TYW1: variants seen among roughly 807,000 people sequenced by gnomAD.
TYW1 encodes the protein S-adenosyl-L-methionine-dependent tRNA 4-demethylwyosine synthase TYW1.
A neutral mutation model predicts 96.2 loss-of-function variants in TYW1; 46 were observed. The ratio of observed to expected loss-of-function variants is 0.48; its 90% confidence interval spans 0.38 to 0.61. TYW1 has a LOEUF of 0.61. TYW1 is among the 20% of genes least tolerant of loss of function. The probability of loss-of-function intolerance (pLI) is 0.00; values close to 1 mark genes in which losing one functional copy is unlikely to be tolerated. For synonymous variants in TYW1, 274 were observed against 323.0 expected, an observed-to-expected ratio of 0.85 and a Z score of 1.63; for missense variants, 684 against 909.6, an observed-to-expected ratio of 0.75 and a Z score of 3.19.
intron 13 of TYW1, among the ~76,000 whole-genome samples, chr7:67,134,193 T>G (rs1289907829): frequency 6.6e-6 from 1 of 152,050 alleles, no homozygotes; most frequent in Admixed American, 6.6e-5. Flanking sequence ...AGTATTCAGG[T>G]TCCCAGAAAT....
At chr7:67,088,961 C>T (rs1181225485) in intron 11 of TYW1, among the ~76,000 whole-genome samples, 1 of 152,162 alleles carries the variant, frequency 6.6e-6, no homozygotes, top group Non-Finnish European at 1.5e-5. Flanking sequence ...GTATAAATGG[C>T]AATTATAGTC....
At chr7:67,045,213 A>T (rs942091485) in intron 7 of TYW1, among the ~76,000 whole-genome samples, 19 of 151,114 alleles carry the variant, frequency 1.3e-4, no homozygotes, top group South Asian at 8.4e-4. Context: ...TTTTTTTTAA[A>T]TTTTTTTTAT....
At chr7:67,159,782 A>C (rs976184705) in intron 13 of TYW1, among the ~76,000 whole-genome samples, 3 of 69,738 alleles carry the variant, frequency 4.3e-5, no homozygotes, top group East Asian at 7.4e-4. Flanking sequence ...CAATATCACA[A>C]AATTTTATTT....
Position 66,996,880 on chromosome 7 carries a change from G to T in TYW1, c.-99G>T. The stretch of plus-strand genomic sequence containing the variant: ...CAGGTCTGCAGGCACTCGGTACGCC[G>T]CTAACGCGGCGAGGTAGCTCGGTGC... On this transcript the variant is annotated 5_prime_UTR_variant, in exon 1 of 16. Transcript: ENST00000359626. 1.3e-6 allele frequency: 2 copies of T among 1,593,792 alleles called. No homozygotes were observed. Among genetic ancestry groups the T allele is most frequent in the Non-Finnish European group, 1.7e-6 (2 of 1,169,958 alleles).
Position 67,098,583 on chromosome 7 carries a change from C to T in TYW1, c.1427C>T (p.Thr476Met), listed in dbSNP as rs141862060. The T allele has an allele frequency of 2.4e-4, 380 of 1,605,432 alleles. 1 individual carries two copies. Among genetic ancestry groups the T allele is most frequent in the Admixed American group, 4.8e-4 (28 of 58,564 alleles). Residue 476 changes from threonine to methionine, a missense_variant, in exon 12 of 16, where the codon ACG becomes ATG. Transcript: ENST00000359626. Reference sequence around the variant, plus strand: ...GCAGAACGCTTTGAAGAAGGAATGACGGTAAAGCACTGTGCATTGTCCCTC... The same window carrying T: ...GCAGAACGCTTTGAAGAAGGAATGATGGTAAAGCACTGTGCATTGTCCCTC... ...VKAERFEEGM[T>M]VKHCALSLVG... is the part of the protein sequence containing the mutation.
intron 14 of TYW1, among the ~76,000 whole-genome samples, chr7:67,188,385 A>T (rs1329962261): frequency 1.3e-5 from 2 of 152,182 alleles, no homozygotes; most frequent in Non-Finnish European, 2.9e-5. Context: ...ACATTTGATA[A>T]GAACTAGCAA....
At chr7:67,204,023 G>T (rs1014546098) in intron 15 of TYW1, among the ~76,000 whole-genome samples, 1 of 152,150 alleles carries the variant, frequency 6.6e-6, no homozygotes, top group Non-Finnish European at 1.5e-5. Context: ...CTGCTTTCAA[G>T]ATTTTTAAAA....
At chr7:67,137,283 T>G (rs1318987159) in intron 13 of TYW1, among the ~76,000 whole-genome samples, 1 of 152,060 alleles carries the variant, frequency 6.6e-6, no homozygotes, top group Non-Finnish European at 1.5e-5. Flanking sequence ...TGGTACTCTT[T>G]TTATTCTAAG....
chr7:67,159,891 C>G (rs1181084623), intron 13 of TYW1, among the ~76,000 whole-genome samples: 5 of 151,976 alleles, frequency 3.3e-5, no homozygotes, highest in Non-Finnish European at 1.5e-5. Flanking sequence ...AGCTCTGCCT[C>G]CCGGGTTCAC....
intron 15 of TYW1, among the ~76,000 whole-genome samples, chr7:67,196,578 C>T (rs1383033081): frequency 6.6e-6 from 1 of 152,064 alleles, no homozygotes; most frequent in Admixed American, 6.6e-5. Flanking sequence ...TTCACTTTTT[C>T]CTTATGGAAT....
At chr7:67,214,241 T>TC (rs1168314537) in intron 15 of TYW1, among the ~76,000 whole-genome samples, 1 of 152,214 alleles carries the variant, frequency 6.6e-6, no homozygotes, top group Non-Finnish European at 1.5e-5. Flanking sequence ...GATTTATATT[T>TC]CAATTTTTGA....
chr7:67,116,350 AAAG>A (rs1318280898), intron 12 of TYW1, among the ~76,000 whole-genome samples: 1 of 151,760 alleles, frequency 6.6e-6, no homozygotes. Flanking sequence ...AAAGAAAAGA[AAAG>A]AAAAAAAGTA....
intron 15 of TYW1, among the ~76,000 whole-genome samples, chr7:67,212,769 T>C (rs1056822355): frequency 6.6e-6 from 1 of 152,236 alleles, no homozygotes; most frequent in African/African-American, 2.4e-5. Context: ...CAAATAATGA[T>C]GAGCATCTTT....
In TYW1 at chr7:67,083,511, C is replaced by T; in HGVS notation, c.1356C>T (p.Asn452=). Reference sequence around the variant, plus strand: ...TGATCTTGAAGGAAGCCATTGAAAACCATCAGAACATGATTAAGCAGTTTA... The same window carrying T: ...TGATCTTGAAGGAAGCCATTGAAAATCATCAGAACATGATTAAGCAGTTTA... ...PEMILKEAIE[N]HQNMIKQFKG... is the part of the protein sequence containing the mutation. Residue 452 remains asparagine (N), a synonymous_variant, in exon 11 of 16, where the codon AAC becomes AAT. Transcript: ENST00000359626. The T allele has an allele frequency of 1.2e-6, 2 of 1,614,124 alleles. No individual in the cohort carries two copies.
At chr7:67,056,734 G>C (rs13308076) in intron 9 of TYW1, among the ~76,000 whole-genome samples, 1 of 152,132 alleles carries the variant, frequency 6.6e-6, no homozygotes, top group South Asian at 2.1e-4. Context: ...GAAAAAAAGT[G>C]CTATGAGCAT....
Position 67,118,958 on chromosome 7 carries a change from C to A in TYW1, c.1698+1340C>A, listed in dbSNP as rs559743800. On this transcript the variant is annotated intron_variant, in intron 13 of 15. Transcript: ENST00000359626. ...ATATGAAGTTAATTTTCCTGAATTT[C>A]TAGAACCACATTTCCTAAGCCATCA... 2.8e-5 allele frequency among the ~76,000 whole-genome samples: 4 copies of A among 143,670 alleles called. No homozygotes were observed. The South Asian group carries it at 9.1e-4, about 33-fold the overall frequency. 94.3% of individuals were successfully genotyped at this position (143,670 alleles called of 152,430 possible).
intron 5 of TYW1, among the ~76,000 whole-genome samples, chr7:67,016,068 A>G (rs760526219): frequency 4.0e-5 from 6 of 151,554 alleles, no homozygotes; most frequent in African/African-American, 7.3e-5. Context: ...TTCCCGGGCT[A>G]TTTTTCTAAA....
rs556928021 is a variant in TYW1 at position 67,018,172 on chromosome 7, G to A, written c.861+29G>A. 3 of 1,596,922 alleles carry A rather than the reference G, an allele frequency of 1.9e-6. No homozygotes were observed. In the East Asian group the frequency reaches 6.7e-5, roughly 36 times the overall value. ...TACCGCCTGTGTGTTCATCTCTCGA[G>A]GCTTTCCTCTTCTGCTTGGAGATCT... On this transcript the variant is annotated intron_variant, in intron 6 of 15. Transcript: ENST00000359626.
At chr7:67,133,237 A>G (rs769065752) in intron 13 of TYW1, among the ~76,000 whole-genome samples, 1 of 146,440 alleles carries the variant, frequency 6.8e-6, no homozygotes, top group Middle Eastern at 3.4e-3. Flanking sequence ...CCTGGGCTCA[A>G]GTGATCTTCC....
Sources: gnomAD v4.1 joint callset for allele counts (sites outside exome capture counted in the v4.1 genomes callset) on GRCh38, gnomAD v4.1.1 for gene constraint, MANE v1.5 for transcripts, NCBI Gene and HGNC (gene_info 2026-07-23, HGNC 2026-07-21) for gene names.